Variants in DENND1A observed in about 807,000 individuals in gnomAD.
DENND1A encodes the protein DENN domain-containing protein 1A.
In DENND1A, 51 loss-of-function variants were observed where a neutral mutation model predicts 113.7. The ratio of observed to expected loss-of-function variants is 0.45; its 90% CI spans 0.36 to 0.57. The LOEUF is 0.57. Ranked by LOEUF, DENND1A falls within the 20% of genes least tolerant of loss-of-function variation. The probability of loss-of-function intolerance (pLI) is 0.00; values close to 1 mark genes in which losing one functional copy is unlikely to be tolerated. For missense variants in DENND1A, 1,258 were observed against 1,395.9 expected, an observed-to-expected ratio of 0.90 and a Z score of 1.57; for synonymous variants, 565 against 570.8, an observed-to-expected ratio of 0.99 and a Z score of 0.14.
intron 2 of DENND1A, among the ~76,000 whole-genome samples, chr9:123,828,288 T>C (rs970100395): frequency 1.3e-5 from 2 of 151,896 alleles, no homozygotes; most frequent in African/African-American, 4.8e-5. Flanking sequence ...GACAATAGAT[T>C]AGTTGAAGAA....
chr9:123,872,807 G>A (rs998545349), intron 2 of DENND1A, among the ~76,000 whole-genome samples: 2 of 152,096 alleles, frequency 1.3e-5, no homozygotes, highest in Non-Finnish European at 2.9e-5. Context: ...AAAATTGTAA[G>A]AATGAAACTC....
At chr9:123,803,831 C>T (rs1835090248) in intron 2 of DENND1A, among the ~76,000 whole-genome samples, 1 of 152,234 alleles carries the variant, frequency 6.6e-6, no homozygotes, top group Admixed American at 6.5e-5. Flanking sequence ...CCCACAGTCA[C>T]CACTTTGTCG....
intron 10 of DENND1A, among the ~76,000 whole-genome samples, chr9:123,624,704 G>A (rs1045983335): frequency 1.3e-5 from 2 of 152,206 alleles, no homozygotes; most frequent in African/African-American, 4.8e-5. Context: ...GGACTTAGCA[G>A]CCTTCCTTGC....
intron 2 of DENND1A, among the ~76,000 whole-genome samples, chr9:123,865,204 G>C (rs1219495682): frequency 6.6e-6 from 1 of 152,122 alleles, no homozygotes; most frequent in East Asian, 1.9e-4. Flanking sequence ...ATGTAGCAGT[G>C]GTCAGCTCTA....
At chr9:123,848,050 A>C (rs1341777573) in intron 2 of DENND1A, among the ~76,000 whole-genome samples, 1 of 152,152 alleles carries the variant, frequency 6.6e-6, no homozygotes, top group Non-Finnish European at 1.5e-5. Context: ...AATACACAAC[A>C]ATAAAAACCA....
intron 12 of DENND1A, among the ~76,000 whole-genome samples, chr9:123,561,645 CA>C (rs1274722508): frequency 6.6e-6 from 1 of 152,094 alleles, no homozygotes. Flanking sequence ...CGGGATTCAT[CA>C]GGGGTAATTT....
At position 123,911,888 on chromosome 9, in the gene DENND1A, G is replaced by A. The variant is rs531273644; in HGVS notation, c.17+18001C>T. On this transcript the variant is annotated intron_variant, in intron 1 of 23. Coordinates refer to ENST00000394215, the MANE Select transcript of DENND1A (RefSeq NM_001352964.2). ...TTTTGTATTTTTAGTAGAGAACAGG[G>A]TTTCACCATGTTAGCCAGTATGGTC... Among the ~76,000 whole-genome samples, 38 of 152,040 alleles carry A rather than the reference G, an allele frequency of 2.5e-4. 2 individuals are homozygous for A. The South Asian group carries it at 4.8e-3, about 19-fold the overall frequency.
intron 10 of DENND1A, among the ~76,000 whole-genome samples, chr9:123,612,356 G>A (rs551649490): frequency 6.6e-6 from 1 of 152,296 alleles, no homozygotes; most frequent in South Asian, 2.1e-4. Context: ...TGTAGCTACT[G>A]ACTCAGTTTC....
At chr9:123,704,749 A>G (rs1045918728) in intron 5 of DENND1A, among the ~76,000 whole-genome samples, 7 of 152,110 alleles carry the variant, frequency 4.6e-5, no homozygotes, top group Non-Finnish European at 8.8e-5. Context: ...AATGGTGGGG[A>G]AAAAAAGACT....
chr9:123,537,295 T>C (rs1212825336), intron 13 of DENND1A, among the ~76,000 whole-genome samples: 1 of 151,392 alleles, frequency 6.6e-6, no homozygotes, highest in East Asian at 1.9e-4. Context: ...TAAGAACAAA[T>C]CAACTCAACA....
At chr9:123,453,350 T>C (rs1283988841) in intron 16 of DENND1A, among the ~76,000 whole-genome samples, 2 of 152,174 alleles carry the variant, frequency 1.3e-5, no homozygotes. Flanking sequence ...TAGGAGTTGA[T>C]GTAGGAGACG....
intron 3 of DENND1A, among the ~76,000 whole-genome samples, chr9:123,783,025 T>C (rs1180842902): frequency 6.6e-6 from 1 of 152,162 alleles, no homozygotes; most frequent in Admixed American, 6.5e-5. Flanking sequence ...ATTTGAAAAA[T>C]GAAAGCTACC....
At chr9:123,669,196 A>T (rs2063638348) in intron 7 of DENND1A, among the ~76,000 whole-genome samples, 1 of 152,170 alleles carries the variant, frequency 6.6e-6, no homozygotes, top group South Asian at 2.1e-4. Flanking sequence ...GAGTGACTAG[A>T]GACAAAAAGT....
At chr9:123,577,829 G>T (rs924850922) in intron 12 of DENND1A, among the ~76,000 whole-genome samples, 2 of 152,052 alleles carry the variant, frequency 1.3e-5, no homozygotes, top group Non-Finnish European at 2.9e-5. Context: ...CCTCTCTTGT[G>T]CCTCTCAAAG....
intron 11 of DENND1A, among the ~76,000 whole-genome samples, chr9:123,584,350 T>C (rs2059062951): frequency 6.6e-6 from 1 of 152,232 alleles, no homozygotes; most frequent in African/African-American, 2.4e-5. Context: ...CTGAGCATGC[T>C]GCATGTGGCT....
intron 21 of DENND1A, among the ~76,000 whole-genome samples, chr9:123,393,935 GCGTGC>G (rs1463022424): frequency 6.6e-6 from 1 of 152,086 alleles, no homozygotes; most frequent in African/African-American, 2.4e-5. Flanking sequence ...AATGGTGGGG[GCGTGC>G]CTGGCTCAAG....
At chr9:123,704,590 T>G (rs1336489328) in intron 5 of DENND1A, among the ~76,000 whole-genome samples, 2 of 152,144 alleles carry the variant, frequency 1.3e-5, no homozygotes, top group African/African-American at 4.8e-5. Context: ...ATAAATATAC[T>G]CTAGAGGGAT....
chr9:123,403,299 G>C, intron 21 of DENND1A, 103 bp downstream of exon 21: 1 of 1,173,234 alleles, frequency 8.5e-7, no homozygotes, highest in South Asian at 1.3e-5. Flanking sequence ...GGGAGCCCCG[G>C]GGAAGCCTCA....
chr9:123,432,633 G>A (rs2132121423), intron 19 of DENND1A, among the ~76,000 whole-genome samples: 1 of 152,220 alleles, frequency 6.6e-6, no homozygotes, highest in East Asian at 1.9e-4. Flanking sequence ...GGAGAAATAT[G>A]CTTTGGAAAC....
Sources: allele counts gnomAD v4.1 joint callset (sites outside exome capture counted in the v4.1 genomes callset), GRCh38; gene constraint gnomAD v4.1.1; transcripts MANE v1.5; gene names NCBI Gene and HGNC (gene_info 2026-07-23, HGNC 2026-07-21).